ACSM5: variants seen among roughly 807,000 people sequenced by gnomAD.
ACSM5 encodes acyl-coenzyme A synthetase ACSM5, mitochondrial.
ACSM5 carries 56 observed loss-of-function variants against 71.6 expected under a neutral mutation model. The observed-to-expected ratio is 0.78, with a 90% CI of 0.63 to 0.98. The LOEUF (loss-of-function observed/expected upper bound fraction) is 0.98. ACSM5 is among the 50% of genes least tolerant of loss of function. The pLI is 0.00. For missense variants in ACSM5, 723 were observed against 726.0 expected, an observed-to-expected ratio of 1.00 and a Z score of 0.05; for synonymous variants, 285 against 281.5, an observed-to-expected ratio of 1.01 and a Z score of -0.12.
rs138216824 is a variant in ACSM5 at position 20,430,878 on chromosome 16, G to T, written c.1126-115G>T. On this transcript the variant is annotated intron_variant, in intron 8 of 13. Transcript: ENST00000331849. Reference sequence around the variant, plus strand: ...AAGGGAAAGAAAGAAGAAAGTGAGGGAGGAGAAAAAAGAGGATGAGAGAAA... The same window carrying T: ...AAGGGAAAGAAAGAAGAAAGTGAGGTAGGAGAAAAAAGAGGATGAGAGAAA... The T allele has an allele frequency of 7.1e-4, 488 of 683,590 alleles. 8 individuals carry two copies. The East Asian group carries it at 0.013, about 18-fold the overall frequency. The allele number at this position is 683,590 out of a possible 1,614,324, so 42.3% of individuals were successfully genotyped here.
At chr16:20,430,106 A>G (rs1967064954) in intron 8 of ACSM5, among the ~76,000 whole-genome samples, 1 of 151,860 alleles carries the variant, frequency 6.6e-6, no homozygotes, top group South Asian at 2.1e-4. Flanking sequence ...AATGTACACT[A>G]CTCAGCTTAC....
At position 20,410,688 on chromosome 16, in the gene ACSM5, C is replaced by T. The variant is rs570602229; in HGVS notation, c.-15-782C>T. On this transcript the variant is annotated intron_variant, in intron 1 of 13. Coordinates refer to ENST00000331849, the MANE Select transcript of ACSM5 (RefSeq NM_017888.3). ...CTGCAGTGAGCTATGATGGCACCAC[C>T]GTACTCTAGCCTGGGCAGCAGAGTG... Among the ~76,000 whole-genome samples, 7 of 152,032 alleles carry T rather than the reference C, an allele frequency of 4.6e-5. No homozygotes were observed. In the East Asian group the frequency reaches 9.7e-4, roughly 21 times the overall value.
rs1398019070 is a variant in ACSM5 at position 20,431,042 on chromosome 16, T to C, written c.1175T>C (p.Met392Thr). The C allele has an allele frequency of 5.0e-6, 8 of 1,613,962 alleles. No individual in the cohort carries two copies. Among genetic ancestry groups the C allele is most frequent in the Non-Finnish European group, 6.8e-6 (8 of 1,179,918 alleles). ...PKGMKIKSGS[M>T]GKASPPYDVQ... ...GGCATGAAAATCAAGTCTGGATCCA[T>C]GGGGAAGGCGTCCCCACCCTACGAT... is the stretch of plus-strand genomic sequence containing the variant. The change falls in exon 9 of 14, where the codon ATG (methionine) becomes ACG (threonine). Residue 392 changes from methionine (M) to threonine (T), a missense_variant. By Grantham distance (81) the Met-to-Thr change is moderately conservative (BLOSUM62 -1). Transcript: ENST00000331849.
intron 10 of ACSM5, among the ~76,000 whole-genome samples, chr16:20,436,592 A>G (rs1311048508): frequency 6.6e-6 from 1 of 152,074 alleles, no homozygotes; most frequent in Non-Finnish European, 1.5e-5. Flanking sequence ...CTGGTCTCGA[A>G]TTCCAGACCT....
intron 1 of ACSM5, among the ~76,000 whole-genome samples, chr16:20,411,081 G>A (rs1448585431): frequency 2.6e-5 from 4 of 152,174 alleles, no homozygotes; most frequent in East Asian, 1.9e-4. Context: ...CTAGAACATT[G>A]TAAATTGCAC....
intron 2 of ACSM5, among the ~76,000 whole-genome samples, chr16:20,414,662 G>C (rs1966853273): frequency 6.6e-6 from 1 of 152,212 alleles, no homozygotes; most frequent in African/African-American, 2.4e-5. Flanking sequence ...TTGGCACCAA[G>C]AGTAGTAATG....
Position 20,421,255 on chromosome 16 carries a change from C to A in ACSM5, c.624-3C>A, listed in dbSNP as rs1596614975. On this transcript the variant is annotated splice_region_variant and splice_polypyrimidine_tract_variant and intron_variant, in intron 4 of 13. Transcript: ENST00000331849. The stretch of plus-strand genomic sequence containing the variant: ...TGCCACCTAGTGTATTTACGTTTTA[C>A]AGGGAGGCTTCTACAGAGCACAACT... 7.1e-6 allele frequency: 11 copies of A among 1,559,002 alleles called. No homozygotes were observed. Among genetic ancestry groups the A allele is most frequent in the Non-Finnish European group, 9.6e-6 (11 of 1,145,040 alleles).
Position 20,441,300 on chromosome 16 carries a change from C to T in ACSM5, c.*873C>T, listed in dbSNP as rs922121033. 2 of 152,212 alleles carry T rather than the reference C, an allele frequency of 1.3e-5. No homozygotes were observed. The highest frequency in any genetic ancestry group is 2.4e-5 in the African/African-American group (1 of 41,446). 9.4% of individuals were successfully genotyped at this position (152,212 alleles called of 1,614,324 possible). A position where few individuals can be genotyped will look rare whatever the true frequency, so the allele number is the denominator to read the frequency against. ...TCCAAGTTTTTGTACGAAGCACATA[C>T]AACTATTTTAATGAAAAAGTTATGT... is the stretch of plus-strand genomic sequence containing the variant. On this transcript the variant is annotated 3_prime_UTR_variant, in exon 14 of 14. Transcript: ENST00000331849.
At chr16:20,419,188 C>T (rs1205832672) in intron 3 of ACSM5, 40 bp from the exon 4 acceptor site, 2 of 1,605,900 alleles carry the variant, frequency 1.2e-6, no homozygotes, top group Non-Finnish European at 1.7e-6. Context: ...CCAAGGCCTT[C>T]CCCGCTATCC....
intron 3 of ACSM5, 41 bp downstream of exon 3, chr16:20,418,310 C>G (rs1316034762): frequency 6.4e-7 from 1 of 1,570,092 alleles, no homozygotes; most frequent in Non-Finnish European, 8.7e-7. Flanking sequence ...GGGGCAGACA[C>G]AACTTGCCAG....
chr16:20,416,644 G>C (rs557003668), intron 2 of ACSM5, among the ~76,000 whole-genome samples: 1 of 152,062 alleles, frequency 6.6e-6, no homozygotes, highest in Non-Finnish European at 1.5e-5. Context: ...GAAAACATAG[G>C]AGTATATTTT....
rs138941786 is a variant in ACSM5, at chr16:20,417,932, C to T, written c.205-127C>T. On this transcript the variant is annotated intron_variant, in intron 2 of 13. Transcript: ENST00000331849. The stretch of plus-strand genomic sequence containing the variant: ...GCAAGCCTTTTCAATGCATGTCTTT[C>T]CATATTGCTTTGCTTTTTGAACCCT... 5.4e-4 allele frequency: 488 copies of T among 911,128 alleles called. 5 individuals are homozygous for T. Among genetic ancestry groups the T allele is most frequent in the South Asian group, 3.3e-3 (182 of 55,474 alleles). 56.4% of individuals were successfully genotyped at this position (911,128 alleles called of 1,614,324 possible). A position where few individuals can be genotyped will look rare whatever the true frequency, so the allele number is the denominator to read the frequency against.
intron 2 of ACSM5, among the ~76,000 whole-genome samples, chr16:20,413,279 G>C (rs1249670544): frequency 2.0e-5 from 3 of 152,200 alleles, no homozygotes; most frequent in African/African-American, 7.2e-5. Flanking sequence ...GGACTTTCCA[G>C]CTATGTGGTA....
intron 12 of ACSM5, among the ~76,000 whole-genome samples, chr16:20,438,821 G>T (rs71384452): frequency 2.0e-5 from 3 of 150,972 alleles, no homozygotes; most frequent in African/African-American, 7.3e-5. Flanking sequence ...CAGGCGTGGC[G>T]GTGGGCGCCT....
At position 20,411,341 on chromosome 16, in the gene ACSM5, G is replaced by A. The variant is rs568264791; in HGVS notation, c.-15-129G>A. 17 of 714,538 alleles carry A rather than the reference G, an allele frequency of 2.4e-5. No individual in the cohort carries two copies. The South Asian group carries it at 2.9e-4, about 12-fold the overall frequency. 44.3% of individuals were successfully genotyped at this position (714,538 alleles called of 1,614,324 possible). The stretch of plus-strand genomic sequence containing the variant: ...CAGCAGAACTGAGACTGAAGGTGGA[G>A]AGTTTATTCTACAAGTCAGTAAGGA... On this transcript the variant is annotated intron_variant, in intron 1 of 13. Coordinates refer to ENST00000331849, the MANE Select transcript of ACSM5 (RefSeq NM_017888.3).
At chr16:20,427,763 T>C in intron 6 of ACSM5, 25 bp from the exon 7 acceptor site, 2 of 1,523,896 alleles carry the variant, frequency 1.3e-6, no homozygotes, top group Non-Finnish European at 1.8e-6. Flanking sequence ...TCTAAGGACA[T>C]CTTTCACCCT....
intron 8 of ACSM5, 46 bp from the exon 9 acceptor site, chr16:20,430,947 A>C (rs1338155811): frequency 6.9e-7 from 1 of 1,452,900 alleles, no homozygotes; most frequent in Non-Finnish European, 9.5e-7. Flanking sequence ...CCAGGAAAGA[A>C]GCTAAGTGGA....
In ACSM5 at chr16:20,431,088, C is replaced by A. The variant is rs367767515; in HGVS notation, c.1206+15C>A. 1 of 1,610,214 alleles carries A rather than the reference C, an allele frequency of 6.2e-7. No individual in the cohort carries two copies. On this transcript the variant is annotated intron_variant, in intron 9 of 13. Coordinates refer to ENST00000331849, the MANE Select transcript of ACSM5 (RefSeq NM_017888.3). ...ACGATGTGCAGGTAGCAGCCTCCCC[C>A]AACTTCTGGCAAGGCCTGGCATGGA... is the stretch of plus-strand genomic sequence containing the variant.
intron 5 of ACSM5, among the ~76,000 whole-genome samples, chr16:20,422,932 T>C (rs1433545815): frequency 1.3e-5 from 2 of 152,300 alleles, no homozygotes; most frequent in South Asian, 4.1e-4. Context: ...TGGGATGAGC[T>C]GTCTGGTGGC....
Sources: allele counts gnomAD v4.1 joint callset (sites outside exome capture counted in the v4.1 genomes callset), GRCh38; gene constraint gnomAD v4.1.1; transcripts MANE v1.5; gene names NCBI Gene and HGNC (gene_info 2026-07-23, HGNC 2026-07-21).